The following GPC5 variants were observed in gnomAD, a reference collection of about 807,000 sequenced individuals.
GPC5 encodes glypican-5.
Under a neutral mutation model 53.9 loss-of-function variants are expected in GPC5, and 47 were observed. The observed-to-expected ratio is 0.87, with a 90% CI of 0.69 to 1.11. The LOEUF (loss-of-function observed/expected upper bound fraction) is 1.11. Among genes scored for constraint, GPC5 ranks in the 50% most tolerant of loss-of-function variants. GPC5 has a pLI of 0.00. For missense variants in GPC5, 748 were observed against 713.1 expected (o/e 1.05, Z -0.56); for synonymous variants, 286 against 263.3 (o/e 1.09, Z -0.84).
chr13:91,802,938 G>A (rs2038159636), intron 5 of GPC5, among the ~76,000 whole-genome samples: 1 of 152,058 alleles, frequency 6.6e-6, no homozygotes, highest in African/African-American at 2.4e-5. Flanking sequence ...TTGTTACAAG[G>A]ATTAAGGGGA....
intron 7 of GPC5, among the ~76,000 whole-genome samples, chr13:92,666,668 A>T (rs535341474): frequency 6.6e-6 from 1 of 152,366 alleles, no homozygotes; most frequent in Non-Finnish European, 1.5e-5. Context: ...GCTGCAGAGC[A>T]CTTTTAATGC....
At chr13:92,338,848 A>G (rs1397337521) in intron 7 of GPC5, among the ~76,000 whole-genome samples, 1 of 152,116 alleles carries the variant, frequency 6.6e-6, no homozygotes, top group Non-Finnish European at 1.5e-5. Flanking sequence ...GACCTAAAGA[A>G]TGTACAATAT....
At chr13:91,792,863 T>A (rs527456406) in intron 5 of GPC5, among the ~76,000 whole-genome samples, 2 of 152,182 alleles carry the variant, frequency 1.3e-5, no homozygotes, top group Non-Finnish European at 2.9e-5. Flanking sequence ...ATGCAGCATG[T>A]GGTTGCCGCG....
At position 91,906,965 on chromosome 13, in the gene GPC5, G is replaced by A. The variant is rs1370006950; in HGVS notation, c.1281-972G>A. Among the ~76,000 whole-genome samples, 4 of 150,336 alleles carry A rather than the reference G, an allele frequency of 2.7e-5. 1 individual carries two copies. The highest frequency in any genetic ancestry group is 9.7e-5 in the African/African-American group (4 of 41,036). On this transcript the variant is annotated intron_variant, in intron 5 of 7. Coordinates refer to ENST00000377067, the MANE Select transcript of GPC5 (RefSeq NM_004466.6). ...CAGTTATGGTTTATGATATTGCCTT[G>A]TACAGTTATATATTTTTTATATATT...
intron 6 of GPC5, among the ~76,000 whole-genome samples, chr13:91,959,951 A>G (rs2040111569): frequency 6.6e-6 from 1 of 152,030 alleles, no homozygotes; most frequent in Non-Finnish European, 1.5e-5. Flanking sequence ...ATATACTTCA[A>G]CATTATAAAG....
chr13:92,481,012 C>A (rs1879331927), intron 7 of GPC5, among the ~76,000 whole-genome samples: 1 of 152,200 alleles, frequency 6.6e-6, no homozygotes, highest in Non-Finnish European at 1.5e-5. Flanking sequence ...AACAGGTTCT[C>A]CCCTAGAACA....
intron 2 of GPC5, among the ~76,000 whole-genome samples, chr13:91,612,143 A>C (rs944510929): frequency 1.3e-5 from 2 of 152,162 alleles, no homozygotes; most frequent in Non-Finnish European, 2.9e-5. Context: ...AGGAATACTA[A>C]ACAAGAGATA....
intron 6 of GPC5, among the ~76,000 whole-genome samples, chr13:91,961,964 A>T (rs1410267336): frequency 6.6e-6 from 1 of 152,162 alleles, no homozygotes; most frequent in East Asian, 1.9e-4. Context: ...AACTTTTTCT[A>T]TATCTACATG....
chr13:92,773,024 A>G (rs868734134), intron 7 of GPC5, among the ~76,000 whole-genome samples: 2 of 152,298 alleles, frequency 1.3e-5, no homozygotes, highest in Middle Eastern at 3.4e-3. Context: ...GTATAGCCAT[A>G]TTCCTTTTTC....
At chr13:92,640,354 G>A (rs1001602214) in intron 7 of GPC5, among the ~76,000 whole-genome samples, 2 of 152,014 alleles carry the variant, frequency 1.3e-5, no homozygotes, top group African/African-American at 4.8e-5. Context: ...CCACCTCCCG[G>A]GTTCACGCCA....
intron 7 of GPC5, among the ~76,000 whole-genome samples, chr13:92,752,400 A>G (rs186704402): frequency 5.9e-5 from 9 of 152,330 alleles, no homozygotes; most frequent in Non-Finnish European, 1.3e-4. Flanking sequence ...TGTAGAGACA[A>G]TGGAAATAGT....
chr13:91,942,245 C>T (rs1442366908), intron 6 of GPC5, among the ~76,000 whole-genome samples: 1 of 152,072 alleles, frequency 6.6e-6, no homozygotes, highest in Non-Finnish European at 1.5e-5. Flanking sequence ...ACCATTTTTA[C>T]TCAGAATTAT....
chr13:92,626,771 C>T (rs946278332), intron 7 of GPC5, among the ~76,000 whole-genome samples: 2 of 152,064 alleles, frequency 1.3e-5, no homozygotes, highest in Non-Finnish European at 2.9e-5. Flanking sequence ...GAGTAAAACT[C>T]TCCTATAATA....
chr13:92,089,407 C>CT (rs1389441429), intron 6 of GPC5, among the ~76,000 whole-genome samples: 1 of 152,154 alleles, frequency 6.6e-6, no homozygotes, highest in Non-Finnish European at 1.5e-5. Context: ...GCACTCCAGC[C>CT]TGGGCAACCA....
intron 7 of GPC5, among the ~76,000 whole-genome samples, chr13:92,824,506 T>C (rs573824278): frequency 6.6e-6 from 1 of 152,254 alleles, no homozygotes; most frequent in South Asian, 2.1e-4. Context: ...AATGGAAGCT[T>C]AGTGGAAGAA....
chr13:92,214,108 T>C (rs2042393776), intron 7 of GPC5, among the ~76,000 whole-genome samples: 4 of 152,198 alleles, frequency 2.6e-5, no homozygotes, highest in Non-Finnish European at 5.9e-5. Flanking sequence ...GCAGTAGTTC[T>C]GAACTATATT....
At chr13:91,410,508 G>T (rs1877655998) in intron 1 of GPC5, among the ~76,000 whole-genome samples, 2 of 108,508 alleles carry the variant, frequency 1.8e-5, no homozygotes, top group African/African-American at 5.3e-5. Flanking sequence ...ACCACACCTG[G>T]CTAATTTTTT....
intron 6 of GPC5, among the ~76,000 whole-genome samples, chr13:92,121,147 T>C (rs2041645741): frequency 6.6e-6 from 1 of 152,244 alleles, no homozygotes; most frequent in Non-Finnish European, 1.5e-5. Flanking sequence ...TATTATTGAA[T>C]ACATTTCTAT....
chr13:91,750,046 T>C (rs185992703), intron 4 of GPC5, among the ~76,000 whole-genome samples: 1 of 152,254 alleles, frequency 6.6e-6, no homozygotes, highest in African/African-American at 2.4e-5. Context: ...CTGACCTCAA[T>C]TGATTCCGTC....
Sources: gnomAD v4.1 joint callset for allele counts (sites outside exome capture counted in the v4.1 genomes callset) on GRCh38, gnomAD v4.1.1 for gene constraint, MANE v1.5 for transcripts, NCBI Gene and HGNC (gene_info 2026-07-23, HGNC 2026-07-21) for gene names.